Variants in GOLGB1 observed in about 807,000 individuals in gnomAD.
GOLGB1 encodes the protein golgin subfamily B member 1.
Under a neutral mutation model 336.9 loss-of-function variants are expected in GOLGB1, and 174 were observed. That is an observed-to-expected ratio of 0.52 (90% CI 0.46 to 0.59). The LOEUF (loss-of-function observed/expected upper bound fraction) is 0.59, where lower values mean the gene tolerates loss of function less well. Ranked by LOEUF, GOLGB1 falls within the 20% of genes least tolerant of loss-of-function variation. GOLGB1 has a pLI of 0.00. For missense variants in GOLGB1, 3,331 were observed against 3,645.3 expected (o/e 0.91, Z 2.22); for synonymous variants, 1,208 against 1,289.2 (o/e 0.94, Z 1.35).
At chr3:121,740,444 G>A (rs1194702439) in intron 1 of GOLGB1, among the ~76,000 whole-genome samples, 2 of 152,120 alleles carry the variant, frequency 1.3e-5, no homozygotes, top group Non-Finnish European at 2.9e-5. Context: ...TTGAATCCTG[G>A]AACAGAAAAT....
At chr3:121,689,100 C>T (rs1942142715) in intron 14 of GOLGB1, among the ~76,000 whole-genome samples, 1 of 151,848 alleles carries the variant, frequency 6.6e-6, no homozygotes. Context: ...GCCGCCCCGT[C>T]CGGGAGGTGA....
At chr3:121,683,685 T>A (rs1941365897) in intron 14 of GOLGB1, among the ~76,000 whole-genome samples, 1 of 152,052 alleles carries the variant, frequency 6.6e-6, no homozygotes, top group African/African-American at 2.4e-5. Context: ...TTAGAAGAGA[T>A]TATCAGGGGA....
At chr3:121,717,958 A>G (rs1156365406) in intron 8 of GOLGB1, among the ~76,000 whole-genome samples, 1 of 152,162 alleles carries the variant, frequency 6.6e-6, no homozygotes, top group Non-Finnish European at 1.5e-5. Flanking sequence ...CAGTATTTTA[A>G]ATGATTTTGT....
At chr3:121,727,274 A>C (rs1945690247) in intron 4 of GOLGB1, among the ~76,000 whole-genome samples, 1 of 133,994 alleles carries the variant, frequency 7.5e-6, no homozygotes, top group African/African-American at 2.8e-5. Context: ...ATAAACTGTG[A>C]AATACATACA....
At chr3:121,708,778 G>C (rs1944097631) in intron 10 of GOLGB1, among the ~76,000 whole-genome samples, 1 of 151,990 alleles carries the variant, frequency 6.6e-6, no homozygotes, top group Admixed American at 6.5e-5. Flanking sequence ...TTAAATTCAA[G>C]AAACTTCTAA....
Position 121,719,669 on chromosome 3 carries a change from C to A in GOLGB1, c.748G>T (p.Asp250Tyr), listed in dbSNP as rs757452116. ...ACCTGTTGCATCTCTGTTTCCACAT[C>A]TGCCTGGGTTACTAACTGAAGAAGC... is the stretch of plus-strand genomic sequence containing the variant. Reference protein sequence around the residue: ...DELLQLVTQADVETEMQQKLR... With the variant: ...DELLQLVTQAYVETEMQQKLR... Residue 250 changes from aspartate to tyrosine, a missense_variant, in exon 7 of 22, where the codon GAT (aspartate) becomes TAT (tyrosine). By Grantham distance (160) the Asp-to-Tyr change is radical (BLOSUM62 -3). Transcript: ENST00000614479. 8 of 1,609,524 alleles carry A rather than the reference C, an allele frequency of 5.0e-6. No individual in the cohort carries two copies. In the South Asian group the frequency reaches 6.6e-5, roughly 13 times the overall value.
Position 121,697,209 on chromosome 3 carries a change from G to A in GOLGB1, c.3314C>T (p.Thr1105Ile). ...FQALVKQMNQ[T>I]LQDKTNQIDL... ...TATTTGGTTTGTTTTATCTTGCAAG[G>A]TCTGATTCATCTGTTTGACCAGAGC... The change falls in exon 13 of 22, where the codon ACC (threonine) becomes ATC (isoleucine). Residue 1105 changes from threonine (T) to isoleucine (I), a missense_variant. Physicochemically the swap from Thr to Ile is moderately conservative, Grantham distance 89. Coordinates refer to ENST00000614479, the MANE Select transcript of GOLGB1 (RefSeq NM_001366282.2). 6.2e-7 allele frequency: 1 copy of A among 1,614,044 alleles called. No individual in the cohort carries two copies. The highest frequency in any genetic ancestry group is 1.1e-5 in the South Asian group (1 of 91,074).
chr3:121,740,111 T>C (rs1177407705), intron 1 of GOLGB1, among the ~76,000 whole-genome samples: 1 of 152,196 alleles, frequency 6.6e-6, no homozygotes, highest in African/African-American at 2.4e-5. Flanking sequence ...CAAGGGATCC[T>C]TGTGGTGTTG....
chr3:121,722,220 T>A, intron 6 of GOLGB1, 42 bp downstream of exon 6: 1 of 1,101,824 alleles, frequency 9.1e-7, no homozygotes, highest in South Asian at 1.3e-5. Flanking sequence ...AATAACCCAC[T>A]GGACTTCATA....
At chr3:121,715,376 T>TC (rs1273811848) in intron 9 of GOLGB1, among the ~76,000 whole-genome samples, 1 of 149,622 alleles carries the variant, frequency 6.7e-6, no homozygotes, top group African/African-American at 2.5e-5. Context: ...CTAATTTTTT[T>TC]TTTTTTTTTT....
chr3:121,727,226 C>T (rs1397038160), intron 4 of GOLGB1, among the ~76,000 whole-genome samples, 185 bp from the exon 5 acceptor site: 1 of 142,528 alleles, frequency 7.0e-6, no homozygotes, highest in Non-Finnish European at 1.5e-5. Context: ...TATGGCCAAG[C>T]AGTTCCTGTT....
intron 10 of GOLGB1, among the ~76,000 whole-genome samples, chr3:121,712,327 C>T (rs1191834282): frequency 6.6e-6 from 1 of 151,606 alleles, no homozygotes; most frequent in African/African-American, 2.4e-5. Flanking sequence ...TCAGAGACTT[C>T]AAATGAAAAC....
intron 5 of GOLGB1, among the ~76,000 whole-genome samples, chr3:121,726,660 AC>A (rs1480269212): frequency 6.6e-6 from 1 of 152,104 alleles, no homozygotes; most frequent in South Asian, 2.1e-4. Context: ...AAACAAAAAA[AC>A]AAACTTAAAA....
intron 10 of GOLGB1, among the ~76,000 whole-genome samples, chr3:121,711,430 T>C (rs1017875824): frequency 6.6e-6 from 1 of 152,086 alleles, no homozygotes; most frequent in Non-Finnish European, 1.5e-5. Context: ...TCACAGCCAA[T>C]GGTAAATTAT....
rs773366766 is a variant in GOLGB1 at position 121,664,930 on chromosome 3, C to G, written c.9656G>C (p.Arg3219Pro). ...CTTTATCCTTCTTCCTCTTACCCTT[C>G]GACAACTGTTGCTTGTAAGATCTAT... ...LLIDLTSNSC[R>P]RTRSGVGWKR... The change falls in exon 21 of 22, where the codon CGA (arginine) becomes CCA (proline). Residue 3219 changes from arginine to proline, a missense_variant. Physicochemically the swap from Arg to Pro is moderately radical, Grantham distance 103. Transcript: ENST00000614479. 6 of 1,571,834 alleles carry G rather than the reference C, an allele frequency of 3.8e-6. No individual in the cohort carries two copies. Among genetic ancestry groups the G allele is most frequent in the South Asian group, 1.1e-5 (1 of 90,214 alleles).
At chr3:121,736,477 C>T (rs1214963092) in intron 1 of GOLGB1, among the ~76,000 whole-genome samples, 1 of 152,168 alleles carries the variant, frequency 6.6e-6, no homozygotes, top group African/African-American at 2.4e-5. Context: ...TGAGAAAACA[C>T]TGGGAAAACC....
At chr3:121,680,725 G>GA (rs35589649) in intron 15 of GOLGB1, among the ~76,000 whole-genome samples, 1 of 152,078 alleles carries the variant, frequency 6.6e-6, no homozygotes, top group Non-Finnish European at 1.5e-5. Flanking sequence ...TGCAAATTGG[G>GA]AAAAAATATT....
intron 1 of GOLGB1, among the ~76,000 whole-genome samples, chr3:121,736,826 C>G (rs193113535): frequency 6.6e-6 from 1 of 152,200 alleles, no homozygotes; most frequent in Admixed American, 6.5e-5. Context: ...ATCACTTGAA[C>G]CTGGGAGACA....
chr3:121,731,093 T>G, intron 1 of GOLGB1, 120 bp from the exon 2 acceptor site: 1 of 951,594 alleles, frequency 1.1e-6, no homozygotes. Context: ...TGATTTGTAT[T>G]AGACACAGTC....
Sources: gnomAD v4.1 joint callset for allele counts (sites outside exome capture counted in the v4.1 genomes callset) on GRCh38, gnomAD v4.1.1 for gene constraint, MANE v1.5 for transcripts, NCBI Gene and HGNC (gene_info 2026-07-23, HGNC 2026-07-21) for gene names.